The following NYAP2 variants were observed in gnomAD, a reference collection of about 807,000 sequenced individuals.
NYAP2 encodes the protein neuronal tyrosine-phosphorylated phosphoinositide-3-kinase adaptor 2.
Under a neutral mutation model 50.4 loss-of-function variants are expected in NYAP2, and 23 were observed. The ratio of observed to expected loss-of-function variants is 0.46; its 90% confidence interval spans 0.33 to 0.65. NYAP2 has a LOEUF of 0.65. NYAP2 is among the 30% of genes least tolerant of loss of function. The pLI is 0.02. For missense variants in NYAP2, 885 were observed against 861.0 expected (o/e 1.03, Z -0.35); for synonymous variants, 394 against 365.2 (o/e 1.08, Z -0.90).
intron 3 of NYAP2, among the ~76,000 whole-genome samples, chr2:225,422,642 A>G (rs1002049672): frequency 2.0e-5 from 3 of 152,194 alleles, no homozygotes; most frequent in African/African-American, 7.2e-5. Flanking sequence ...ACCATTACCA[A>G]CAGTGTCAGC....
chr2:225,516,698 A>T (rs1690941161), intron 4 of NYAP2, among the ~76,000 whole-genome samples: 1 of 152,214 alleles, frequency 6.6e-6, no homozygotes, highest in Non-Finnish European at 1.5e-5. Context: ...ATGTGTATAT[A>T]TATGTGTACT....
At chr2:225,481,093 T>A (rs1270171168) in intron 3 of NYAP2, among the ~76,000 whole-genome samples, 2 of 152,130 alleles carry the variant, frequency 1.3e-5, no homozygotes, top group East Asian at 3.8e-4. Context: ...AAGGGAAAAC[T>A]CAGAGAAATG....
intron 4 of NYAP2, among the ~76,000 whole-genome samples, chr2:225,523,771 G>T (rs541717393): frequency 1.3e-5 from 2 of 152,088 alleles, no homozygotes; most frequent in African/African-American, 4.8e-5. Context: ...ATCCTTAAAA[G>T]GAACAAAACT....
the NYAP2 span, among the ~76,000 whole-genome samples, chr2:225,673,696 G>A: frequency 2.6e-5 from 4 of 152,044 alleles, no homozygotes; most frequent in Non-Finnish European, 4.4e-5. Flanking sequence ...ACCCTTTTGG[G>A]GTTAGGATTC....
chr2:225,507,394 A>G lies in NYAP2; in HGVS notation c.222-5977A>G, dbSNP rs111487168. ...TCTCATAAGGAAACACACAACATCA[A>G]TGCTGATGGATTTCAAGCAGACAGC... On this transcript the variant is annotated intron_variant, in intron 3 of 6. Transcript: ENST00000636099. Among the ~76,000 whole-genome samples the G allele has an allele frequency of 3.4e-3, 520 of 152,316 alleles. 3 individuals are homozygous for G. The highest frequency in any genetic ancestry group is 0.012 in the African/African-American group (497 of 41,566).
chr2:225,518,510 G>C, intron 4 of NYAP2, among the ~76,000 whole-genome samples: 1 of 83,504 alleles, frequency 1.2e-5, no homozygotes, highest in East Asian at 3.7e-4. Context: ...AAAAAAAACA[G>C]TATGTGAGCT....
intron 4 of NYAP2, among the ~76,000 whole-genome samples, chr2:225,529,709 T>A (rs2106196296): frequency 6.6e-6 from 1 of 152,066 alleles, no homozygotes; most frequent in East Asian, 1.9e-4. Context: ...TTATTTTATT[T>A]TTATTATTTA....
chr2:225,608,341 C>A (rs1353835317), intron 5 of NYAP2, among the ~76,000 whole-genome samples: 1 of 152,126 alleles, frequency 6.6e-6, no homozygotes, highest in Non-Finnish European at 1.5e-5. Flanking sequence ...TAAGGCAGCA[C>A]TGATAATGAG....
intron 3 of NYAP2, among the ~76,000 whole-genome samples, chr2:225,437,852 T>C (rs896574974): frequency 1.3e-5 from 2 of 152,232 alleles, no homozygotes; most frequent in African/African-American, 4.8e-5. Flanking sequence ...TGATTCTATC[T>C]ATTCTATCAT....
intron 4 of NYAP2, among the ~76,000 whole-genome samples, chr2:225,548,795 G>C (rs543265847): frequency 2.4e-4 from 37 of 152,226 alleles, no homozygotes; most frequent in African/African-American, 8.7e-4. Context: ...GGACAACTTT[G>C]AGCCAACTTG....
chr2:225,581,024 T>C (rs1380538499), intron 4 of NYAP2, among the ~76,000 whole-genome samples: 1 of 152,240 alleles, frequency 6.6e-6, no homozygotes, highest in African/African-American at 2.4e-5. Flanking sequence ...CTGAATTTAG[T>C]CACAGGCATT....
At chr2:225,674,423 G>A in the NYAP2 span, among the ~76,000 whole-genome samples, 1 of 152,122 alleles carries the variant, frequency 6.6e-6, no homozygotes, top group South Asian at 2.1e-4. Flanking sequence ...GCTGTAGGAA[G>A]GGTTAGTGTG....
intron 3 of NYAP2, among the ~76,000 whole-genome samples, chr2:225,510,459 CT>C (rs1176434019): frequency 6.6e-6 from 1 of 152,170 alleles, no homozygotes; most frequent in Admixed American, 6.5e-5. Flanking sequence ...AATCATTGCC[CT>C]TCATATGGAG....
At position 225,462,827 on chromosome 2, in the gene NYAP2, A is replaced by C. The variant is rs533082900; in HGVS notation, c.222-50544A>C. Among the ~76,000 whole-genome samples the C allele has an allele frequency of 2.0e-5, 3 of 152,326 alleles. No individual in the cohort carries two copies. The East Asian group carries it at 5.8e-4, about 29-fold the overall frequency. The stretch of plus-strand genomic sequence containing the variant: ...CTGACCTGTTTTGCCTTCCAGTGGC[A>C]TCTGACTGTTTACCCCAAGAGCATT... On this transcript the variant is annotated intron_variant, in intron 3 of 6. Coordinates refer to ENST00000636099, the Ensembl canonical transcript of NYAP2.
At chr2:225,430,687 C>T (rs563199978) in intron 3 of NYAP2, among the ~76,000 whole-genome samples, 1 of 151,314 alleles carries the variant, frequency 6.6e-6, no homozygotes, top group African/African-American at 2.4e-5. Context: ...GATTTGAACC[C>T]AAGAGGCAGT....
chr2:225,437,698 G>A (rs1030490927), intron 3 of NYAP2, among the ~76,000 whole-genome samples: 1 of 152,202 alleles, frequency 6.6e-6, no homozygotes, highest in Non-Finnish European at 1.5e-5. Context: ...AGTGGGCTAT[G>A]TGCTTCACGT....
chr2:225,702,140 C>A, the NYAP2 span: 79 of 151,792 alleles, frequency 5.2e-4, no homozygotes, highest in African/African-American at 1.8e-3. Context: ...GGAATTCACA[C>A]TTGCAAAGAA....
At chr2:225,656,117 G>A (rs758975215), downstream of NYAP2, among the ~76,000 whole-genome samples, 4 of 152,092 alleles carry the variant, frequency 2.6e-5, no homozygotes, top group South Asian at 6.2e-4. Flanking sequence ...GATCATCCTT[G>A]ATTTGGGGGA....
At chr2:225,564,418 G>C (rs1291163300) in intron 4 of NYAP2, among the ~76,000 whole-genome samples, 1 of 151,680 alleles carries the variant, frequency 6.6e-6, no homozygotes, top group Non-Finnish European at 1.5e-5. Context: ...AAATACCAGT[G>C]TCTGGTCCCT....
Sources: allele counts gnomAD v4.1 joint callset (sites outside exome capture counted in the v4.1 genomes callset), GRCh38; gene constraint gnomAD v4.1.1; transcripts MANE v1.5; gene names NCBI Gene and HGNC (gene_info 2026-07-23, HGNC 2026-07-21).